RTTN: variants seen among roughly 807,000 people sequenced by gnomAD.
RTTN encodes the protein rotatin.
Under a neutral mutation model 269.2 loss-of-function variants are expected in RTTN, and 182 were observed. The ratio of observed to expected loss-of-function variants is 0.68; its 90% CI spans 0.60 to 0.76. RTTN has a LOEUF of 0.76. Ranked by LOEUF, RTTN falls within the 30% of genes least tolerant of loss-of-function variation. The pLI, the probability that RTTN is intolerant of heterozygous loss-of-function variation, is 0.00. For synonymous variants in RTTN, 1,006 were observed against 963.5 expected, an observed-to-expected ratio of 1.04 and a Z score of -0.82; for missense variants, 2,545 against 2,608.6, an observed-to-expected ratio of 0.98 and a Z score of 0.53.
chr18:70,153,825 T>G (rs546408693), intron 14 of RTTN, among the ~76,000 whole-genome samples: 82 of 152,334 alleles, frequency 5.4e-4, no homozygotes, highest in Non-Finnish European at 8.2e-4. Flanking sequence ...GCTTTTGACT[T>G]GGATTATTAT....
At chr18:70,194,712 G>C (rs2061760374) in intron 7 of RTTN, 1 of 152,212 alleles carries the variant, frequency 6.6e-6, no homozygotes, top group Non-Finnish European at 1.5e-5. Context: ...GACAAATACT[G>C]TATGATTCCT....
chr18:70,146,236 C>A (rs2145761248), intron 17 of RTTN, among the ~76,000 whole-genome samples: 1 of 152,296 alleles, frequency 6.6e-6, no homozygotes, highest in African/African-American at 2.4e-5. Flanking sequence ...TCAAAATCTT[C>A]TCATATTAGG....
At chr18:70,112,483 C>CAAAA (rs36147576) in intron 27 of RTTN, among the ~76,000 whole-genome samples, 18,035 of 67,902 alleles carry the variant, frequency 0.27, 4,146 homozygotes, top group South Asian at 0.35. Context: ...AAATGGAAAG[C>CAAAA]AAAAAAAAAA....
At chr18:70,030,349 G>GAATA (rs1005340554) in intron 41 of RTTN, among the ~76,000 whole-genome samples, 2 of 152,154 alleles carry the variant, frequency 1.3e-5, no homozygotes, top group African/African-American at 2.4e-5. Flanking sequence ...ACAACTTGAG[G>GAATA]AATACATCAT....
chr18:70,087,703 T>C (rs1483803048), intron 31 of RTTN, among the ~76,000 whole-genome samples: 1 of 152,208 alleles, frequency 6.6e-6, no homozygotes, highest in Non-Finnish European at 1.5e-5. Flanking sequence ...AATGCTGAGA[T>C]AATATAAAAG....
chr18:70,141,647 T>C (rs1235177226), intron 19 of RTTN, among the ~76,000 whole-genome samples: 2 of 152,002 alleles, frequency 1.3e-5, no homozygotes, highest in African/African-American at 2.4e-5. Flanking sequence ...GGGGGAGGGA[T>C]AGCATTAGGA....
At chr18:70,035,733 T>C (rs543349196) in intron 40 of RTTN, among the ~76,000 whole-genome samples, 228 of 152,266 alleles carry the variant, frequency 1.5e-3, no homozygotes, top group Non-Finnish European at 2.8e-3. Flanking sequence ...CTAAAGCGTG[T>C]CTGCACAGCA....
chr18:70,033,445 T>C (rs2057077952), intron 40 of RTTN, among the ~76,000 whole-genome samples: 1 of 152,188 alleles, frequency 6.6e-6, no homozygotes, highest in African/African-American at 2.4e-5. Context: ...TTCATTTACA[T>C]TGAAATTAAG....
intron 36 of RTTN, among the ~76,000 whole-genome samples, chr18:70,058,129 C>G (rs2057870720): frequency 6.6e-6 from 1 of 152,172 alleles, no homozygotes; most frequent in Non-Finnish European, 1.5e-5. Flanking sequence ...CCATGAGTAA[C>G]AGGAAACTTG....
intron 43 of RTTN, among the ~76,000 whole-genome samples, chr18:70,027,356 T>A (rs1003861947): frequency 9.9e-5 from 15 of 152,218 alleles, no homozygotes; most frequent in Admixed American, 2.6e-4. Flanking sequence ...CCTACCTCCA[T>A]AATATTATAT....
At chr18:70,134,402 T>A in intron 23 of RTTN, 71 bp downstream of exon 23, 2 of 1,163,068 alleles carry the variant, frequency 1.7e-6, no homozygotes, top group Non-Finnish European at 2.5e-6. Context: ...TGTGACAAAT[T>A]ATAGATTTTG....
At chr18:70,076,803 G>C (rs1377903754) in intron 32 of RTTN, among the ~76,000 whole-genome samples, 2 of 151,914 alleles carry the variant, frequency 1.3e-5, no homozygotes, top group Non-Finnish European at 2.9e-5. Flanking sequence ...AAAGTGAATG[G>C]GGTTATGTGG....
At chr18:70,134,902 CAT>C (rs1361152048) in intron 22 of RTTN, among the ~76,000 whole-genome samples, 2 of 151,904 alleles carry the variant, frequency 1.3e-5, no homozygotes, top group Non-Finnish European at 2.9e-5. Flanking sequence ...GAAAAAAACA[CAT>C]AGTTGAAGGT....
intron 7 of RTTN, among the ~76,000 whole-genome samples, chr18:70,193,827 C>T (rs151010078): frequency 0.012 from 1,872 of 152,234 alleles, 23 homozygotes; most frequent in South Asian, 0.037. Flanking sequence ...AAAGCTAAAG[C>T]CATAAAGCTC....
chr18:70,078,786 G>A (rs896754752), intron 32 of RTTN, among the ~76,000 whole-genome samples: 2 of 151,888 alleles, frequency 1.3e-5, no homozygotes, highest in Admixed American at 6.6e-5. Context: ...CATAATCAAC[G>A]CTCACAAAGC....
intron 10 of RTTN, among the ~76,000 whole-genome samples, chr18:70,184,897 GA>G (rs1163087721): frequency 1.4e-5 from 2 of 141,136 alleles, no homozygotes; most frequent in Non-Finnish European, 1.6e-5. Flanking sequence ...CTACATATCA[GA>G]AAAAAAAAAC....
At chr18:70,031,917 G>T (rs1436672223) in intron 40 of RTTN, among the ~76,000 whole-genome samples, 1 of 152,106 alleles carries the variant, frequency 6.6e-6, no homozygotes, top group Non-Finnish European at 1.5e-5. Flanking sequence ...CTGCAGAGGG[G>T]GAAGTTGAAA....
chr18:70,028,701 T>G, intron 43 of RTTN, 23 bp downstream of exon 43: 7 of 1,511,200 alleles, frequency 4.6e-6, no homozygotes, highest in Non-Finnish European at 6.4e-6. Flanking sequence ...CCTATTAAAA[T>G]TTTGAAAAGT....
chr18:70,048,123 A>G lies in RTTN; in HGVS notation c.5389T>C (p.Phe1797Leu). The G allele has an allele frequency of 6.2e-7, 1 of 1,614,132 alleles. No individual in the cohort carries two copies. Among genetic ancestry groups the G allele is most frequent in the Non-Finnish European group, 8.5e-7 (1 of 1,179,982 alleles). ...CPALYTASLQ[F>L]LSVLLTEEAK... is the part of the protein sequence containing the mutation. ...TCTTCGGTCAAGAGAACAGAAAGGA[A>G]TTGCAAGCTGGCAGTATACAGGGCA... Residue 1797 changes from phenylalanine to leucine, a missense_variant, in exon 40 of 49, where the codon TTC (phenylalanine) becomes CTC (leucine). Phe to Leu is a conservative substitution (Grantham distance 22, BLOSUM62 0). Transcript: ENST00000640769.
Sources: gnomAD v4.1 joint callset for allele counts (sites outside exome capture counted in the v4.1 genomes callset) on GRCh38, gnomAD v4.1.1 for gene constraint, MANE v1.5 for transcripts, NCBI Gene and HGNC (gene_info 2026-07-23, HGNC 2026-07-21) for gene names.